KCNH7: variants seen among roughly 807,000 people sequenced by gnomAD.
The protein encoded by KCNH7 is potassium voltage-gated channel subfamily H member 7.
KCNH7 carries 49 observed loss-of-function variants against 120.8 expected under a neutral mutation model. The ratio of observed to expected loss-of-function variants is 0.41; its 90% CI spans 0.32 to 0.51. The LOEUF (loss-of-function observed/expected upper bound fraction) is 0.51. KCNH7 is among the 20% of genes least tolerant of loss of function. The pLI is 0.38. For missense variants in KCNH7, 1,097 were observed against 1,446.6 expected, an observed-to-expected ratio of 0.76 and a Z score of 3.92; for synonymous variants, 547 against 516.1, an observed-to-expected ratio of 1.06 and a Z score of -0.81.
At chr2:162,755,364 T>G (rs1029520364) in intron 2 of KCNH7, among the ~76,000 whole-genome samples, 2 of 151,948 alleles carry the variant, frequency 1.3e-5, no homozygotes, top group Non-Finnish European at 2.9e-5. Context: ...CCTAGCTACT[T>G]GGGAGGCTGA....
intron 4 of KCNH7, among the ~76,000 whole-genome samples, chr2:162,517,131 A>G (rs1375767271): frequency 6.6e-6 from 1 of 151,812 alleles, no homozygotes; most frequent in Admixed American, 6.6e-5. Context: ...GAATGTGAAC[A>G]TAATGTTCAA....
intron 14 of KCNH7, among the ~76,000 whole-genome samples, chr2:162,375,731 C>T (rs571641043): frequency 6.6e-6 from 1 of 151,768 alleles, no homozygotes; most frequent in African/African-American, 2.4e-5. Flanking sequence ...AGTTTGAGAC[C>T]AGCCTGGGAA....
At chr2:162,605,203 C>T (rs1682698529) in intron 2 of KCNH7, among the ~76,000 whole-genome samples, 1 of 152,056 alleles carries the variant, frequency 6.6e-6, no homozygotes, top group Non-Finnish European at 1.5e-5. Context: ...AGTGTGCAGA[C>T]ATGCCAATCT....
Position 162,537,088 on chromosome 2 carries a change from G to A in KCNH7, c.308-8C>T, listed in dbSNP as rs1441786662. 11 of 1,583,920 alleles carry A rather than the reference G, an allele frequency of 6.9e-6. No homozygotes were observed. Among genetic ancestry groups the A allele is most frequent in the South Asian group, 2.3e-5 (2 of 86,698 alleles). ...TACAAATAAAAGTGGACCCTAAGGAGATTAAAAATGAATGTTAGTTAAAAA... is the reference window on the plus strand; with the variant it reads ...TACAAATAAAAGTGGACCCTAAGGAAATTAAAAATGAATGTTAGTTAAAAA... On this transcript the variant is annotated splice_polypyrimidine_tract_variant and splice_region_variant and intron_variant, in intron 2 of 15. Transcript: ENST00000332142.
chr2:162,631,168 G>A (rs77544848), intron 2 of KCNH7, among the ~76,000 whole-genome samples: 6,735 of 152,078 alleles, frequency 0.044, 282 homozygotes, highest in East Asian at 0.12. Flanking sequence ...TTAGGCAATT[G>A]AATTTTGTAG....
chr2:162,745,399 A>G (rs556643483), intron 2 of KCNH7, among the ~76,000 whole-genome samples: 2 of 152,298 alleles, frequency 1.3e-5, no homozygotes, highest in South Asian at 2.1e-4. Flanking sequence ...TTTAAACTAA[A>G]GAACCCGTTA....
At chr2:162,449,890 A>G (rs1002722600) in intron 6 of KCNH7, among the ~76,000 whole-genome samples, 5 of 152,252 alleles carry the variant, frequency 3.3e-5, no homozygotes, top group Admixed American at 3.3e-4. Flanking sequence ...ACTTGAAAAT[A>G]AAATATTTAT....
At chr2:162,588,114 A>G (rs1694080114) in intron 2 of KCNH7, among the ~76,000 whole-genome samples, 1 of 152,110 alleles carries the variant, frequency 6.6e-6, no homozygotes, top group Admixed American at 6.5e-5. Flanking sequence ...GAATGTAGAC[A>G]ACTAAAGCAC....
intron 2 of KCNH7, among the ~76,000 whole-genome samples, chr2:162,763,429 T>C (rs1388070110): frequency 1.3e-5 from 2 of 152,122 alleles, no homozygotes; most frequent in African/African-American, 4.8e-5. Flanking sequence ...CAGTTGACTT[T>C]CACTATCTGA....
At chr2:162,776,619 C>T (rs1346107890) in intron 2 of KCNH7, among the ~76,000 whole-genome samples, 1 of 152,058 alleles carries the variant, frequency 6.6e-6, no homozygotes, top group Non-Finnish European at 1.5e-5. Context: ...GAAAGAGCTT[C>T]AGATCATGTA....
chr2:162,505,325 A>G (rs181095173), intron 5 of KCNH7, among the ~76,000 whole-genome samples: 1 of 151,226 alleles, frequency 6.6e-6, no homozygotes, highest in Non-Finnish European at 1.5e-5. Context: ...TTTTTCTTTC[A>G]CTTATGTTTA....
intron 1 of KCNH7, among the ~76,000 whole-genome samples, chr2:162,838,175 T>C (rs1042633401): frequency 2.0e-5 from 3 of 152,118 alleles, no homozygotes; most frequent in Non-Finnish European, 4.4e-5. Context: ...AGTAGAATAG[T>C]AGGAAATTAA....
chr2:162,470,775 AT>A (rs1689496127), intron 6 of KCNH7, among the ~76,000 whole-genome samples: 1 of 152,218 alleles, frequency 6.6e-6, no homozygotes, highest in South Asian at 2.1e-4. Context: ...ACAGGCCATG[AT>A]GACAATGGTG....
At chr2:162,785,695 T>A (rs1251391693) in intron 2 of KCNH7, among the ~76,000 whole-genome samples, 1 of 147,300 alleles carries the variant, frequency 6.8e-6, no homozygotes, top group Non-Finnish European at 1.5e-5. Flanking sequence ...TGGAATAGTT[T>A]TTTGTTTTTT....
intron 9 of KCNH7, among the ~76,000 whole-genome samples, chr2:162,402,735 C>A (rs1687099995): frequency 6.6e-6 from 1 of 151,772 alleles, no homozygotes; most frequent in African/African-American, 2.4e-5. Context: ...AGCTGCATTT[C>A]TGGCATTTTC....
chr2:162,686,466 C>T (rs538493501), intron 2 of KCNH7, among the ~76,000 whole-genome samples: 13 of 152,176 alleles, frequency 8.5e-5, no homozygotes, highest in African/African-American at 2.9e-4. Context: ...ATAACATTAC[C>T]AAACTTGGCA....
intron 2 of KCNH7, among the ~76,000 whole-genome samples, chr2:162,808,617 T>C (rs1362662674): frequency 3.3e-5 from 5 of 152,154 alleles, no homozygotes; most frequent in South Asian, 2.1e-4. Flanking sequence ...GTACAAACTT[T>C]AAGGGAGTTT....
chr2:162,569,613 T>G (rs1297660042), intron 2 of KCNH7, among the ~76,000 whole-genome samples: 1 of 148,198 alleles, frequency 6.7e-6, no homozygotes, highest in Non-Finnish European at 1.5e-5. Context: ...TTCTTTTAAT[T>G]GTGATGTTAG....
At chr2:162,585,506 C>T (rs1229113946) in intron 2 of KCNH7, among the ~76,000 whole-genome samples, 2 of 152,004 alleles carry the variant, frequency 1.3e-5, no homozygotes, top group East Asian at 3.9e-4. Context: ...AACTGGGATA[C>T]ATCTAATCAT....
Sources: gnomAD v4.1 joint callset for allele counts (sites outside exome capture counted in the v4.1 genomes callset) on GRCh38, gnomAD v4.1.1 for gene constraint, MANE v1.5 for transcripts, NCBI Gene and HGNC (gene_info 2026-07-23, HGNC 2026-07-21) for gene names.